The following YAP1 variants were observed in gnomAD, a reference collection of about 807,000 sequenced individuals.
YAP1 encodes the protein transcriptional coactivator YAP1.
A neutral mutation model predicts 56.9 loss-of-function variants in YAP1; 5 were observed. The ratio of observed to expected loss-of-function variants is 0.09; its 90% confidence interval spans 0.05 to 0.18. The LOEUF (loss-of-function observed/expected upper bound fraction) is 0.18, where lower values mean the gene tolerates loss of function less well. YAP1 is among the 10% of genes least tolerant of loss of function. YAP1 has a pLI of 1.00. For missense variants in YAP1, 539 were observed against 651.8 expected, an observed-to-expected ratio of 0.83 and a Z score of 1.88; for synonymous variants, 265 against 248.1, an observed-to-expected ratio of 1.07 and a Z score of -0.64.
intron 5 of YAP1, among the ~76,000 whole-genome samples, chr11:102,208,095 C>T (rs1949215000): frequency 6.6e-6 from 1 of 152,308 alleles, no homozygotes; most frequent in Admixed American, 6.5e-5. Context: ...TTAAATATCA[C>T]ACCTAGAGAG....
chr11:102,164,510 C>T (rs1474163284), intron 3 of YAP1, among the ~76,000 whole-genome samples: 3 of 152,104 alleles, frequency 2.0e-5, no homozygotes, highest in East Asian at 3.8e-4. Flanking sequence ...AAAATTATCT[C>T]GGCAGTTAAT....
At chr11:102,192,812 C>T (rs1330515715) in intron 4 of YAP1, among the ~76,000 whole-genome samples, 1 of 152,132 alleles carries the variant, frequency 6.6e-6, no homozygotes, top group Non-Finnish European at 1.5e-5. Flanking sequence ...TAACTTTGGT[C>T]CTCTGGTCAC....
intron 2 of YAP1, among the ~76,000 whole-genome samples, chr11:102,117,350 T>C (rs954886160): frequency 2.1e-4 from 32 of 152,268 alleles, no homozygotes; most frequent in African/African-American, 7.7e-4. Context: ...CATTTTATTT[T>C]AATGCATCTT....
At chr11:102,140,391 A>G (rs1944946575) in intron 2 of YAP1, among the ~76,000 whole-genome samples, 1 of 152,228 alleles carries the variant, frequency 6.6e-6, no homozygotes, top group Non-Finnish European at 1.5e-5. Flanking sequence ...ATAATCTAGG[A>G]TATTTAAAAG....
At chr11:102,152,528 T>A (rs1945716062) in intron 2 of YAP1, among the ~76,000 whole-genome samples, 2 of 152,218 alleles carry the variant, frequency 1.3e-5, no homozygotes, top group Admixed American at 1.3e-4. Context: ...TGTGGGCCCT[T>A]AATTAAATGT....
intron 2 of YAP1, among the ~76,000 whole-genome samples, chr11:102,156,264 T>G (rs1945938898): frequency 1.3e-5 from 2 of 152,204 alleles, no homozygotes; most frequent in African/African-American, 4.8e-5. Context: ...TTTTGGCTCT[T>G]TTGGGTAAAT....
intron 3 of YAP1, among the ~76,000 whole-genome samples, chr11:102,177,186 G>A (rs1005185989): frequency 1.3e-5 from 2 of 152,118 alleles, no homozygotes; most frequent in African/African-American, 4.8e-5. Context: ...GTGAAATGAT[G>A]TGGAGGAATA....
chr11:102,142,373 CATATCACAAATTGTT>C (rs1406199982), intron 2 of YAP1, among the ~76,000 whole-genome samples: 5 of 152,210 alleles, frequency 3.3e-5, no homozygotes, highest in Middle Eastern at 3.2e-3. Flanking sequence ...AAAATGCTAA[CATATCACAAATTGTT>C]TATTATCTGT....
At position 102,134,085 on chromosome 11, in the gene YAP1, G is replaced by T. The variant is rs1324672118; in HGVS notation, c.572+19691G>T. Among the ~76,000 whole-genome samples the T allele has an allele frequency of 2.0e-5, 3 of 152,246 alleles. No homozygotes were observed. The East Asian group carries it at 5.8e-4, about 29-fold the overall frequency. On this transcript the variant is annotated intron_variant, in intron 2 of 8. Transcript: ENST00000282441. The stretch of plus-strand genomic sequence containing the variant: ...TATCTCCAAATGTCAGCACATTGAG[G>T]GATTAGCACTTCAGCGATGACTTTT...
chr11:102,140,609 C>T lies in YAP1; in HGVS notation c.573-21847C>T, dbSNP rs1017291437. On this transcript the variant is annotated intron_variant, in intron 2 of 8. Transcript: ENST00000282441. ...CCTGTAATCCCAGCACTTTGGGAGG[C>T]CAAAGCGGACGGATCACGAGGTCAG... Among the ~76,000 whole-genome samples the T allele has an allele frequency of 3.2e-4, 49 of 152,042 alleles. 3 individuals carry two copies. Among genetic ancestry groups the T allele is most frequent in the Non-Finnish European group, 1.5e-5 (1 of 68,012 alleles).
chr11:102,184,902 C>G (rs1281712168), intron 3 of YAP1, among the ~76,000 whole-genome samples: 1 of 152,186 alleles, frequency 6.6e-6, no homozygotes, highest in Non-Finnish European at 1.5e-5. Flanking sequence ...GGATCTTGTA[C>G]CAGACTGATC....
chr11:102,182,769 A>G (rs1323215332), intron 3 of YAP1, among the ~76,000 whole-genome samples: 1 of 152,240 alleles, frequency 6.6e-6, no homozygotes, highest in Non-Finnish European at 1.5e-5. Flanking sequence ...TTCTTTCAGT[A>G]CAAAGAAAGT....
chr11:102,184,057 A>G (rs1220427145), intron 3 of YAP1, among the ~76,000 whole-genome samples: 1 of 141,942 alleles, frequency 7.0e-6, no homozygotes, highest in Non-Finnish European at 1.5e-5. Context: ...AGCCTGGGCG[A>G]CAGAGCGAGA....
chr11:102,219,127 T>C (rs1048524224), intron 6 of YAP1, among the ~76,000 whole-genome samples: 1 of 152,358 alleles, frequency 6.6e-6, no homozygotes, highest in Non-Finnish European at 1.5e-5. Context: ...AATGAGAGTC[T>C]TTAGAATATT....
chr11:102,129,748 A>G (rs1944261588), intron 2 of YAP1, among the ~76,000 whole-genome samples: 1 of 151,862 alleles, frequency 6.6e-6, no homozygotes, highest in African/African-American at 2.4e-5. Flanking sequence ...TTGTTTAGGT[A>G]AAAAGTGATT....
chr11:102,140,239 T>G (rs1944936551), intron 2 of YAP1, among the ~76,000 whole-genome samples: 1 of 152,154 alleles, frequency 6.6e-6, no homozygotes, highest in Admixed American at 6.5e-5. Flanking sequence ...AAATTCAATT[T>G]CAAGGAAAAT....
intron 2 of YAP1, among the ~76,000 whole-genome samples, chr11:102,161,067 T>C (rs922767281): frequency 2.9e-5 from 4 of 139,152 alleles, no homozygotes; most frequent in African/African-American, 5.4e-5. Context: ...TTTTTTTTTT[T>C]TTTTTTTTTT....
intron 2 of YAP1, among the ~76,000 whole-genome samples, chr11:102,126,515 GC>G (rs1458344594): frequency 6.6e-6 from 1 of 152,072 alleles, no homozygotes; most frequent in Admixed American, 6.6e-5. Context: ...TTTCTCTCTT[GC>G]CCCCGCCATG....
At chr11:102,193,833 TTTGA>T (rs1454676789) in intron 4 of YAP1, among the ~76,000 whole-genome samples, 1 of 151,522 alleles carries the variant, frequency 6.6e-6, no homozygotes, top group East Asian at 1.9e-4. Context: ...TTTTTTTTTG[TTTGA>T]TTTTTGTTTT....
Sources: gnomAD v4.1 joint callset for allele counts (sites outside exome capture counted in the v4.1 genomes callset) on GRCh38, gnomAD v4.1.1 for gene constraint, MANE v1.5 for transcripts, NCBI Gene and HGNC (gene_info 2026-07-23, HGNC 2026-07-21) for gene names.